The following CCDC66 variants were observed in gnomAD, a reference collection of about 807,000 sequenced individuals.
The protein encoded by CCDC66 is coiled-coil domain containing 66.
A neutral mutation model predicts 128.3 loss-of-function variants in CCDC66; 133 were observed. The observed-to-expected ratio is 1.04, with a 90% CI of 0.90 to 1.20. The LOEUF is 1.20. Ranked by LOEUF, CCDC66 falls within the 50% of genes most tolerant of loss-of-function variation. CCDC66 has a pLI of 0.00. For missense variants in CCDC66, 1,126 were observed against 1,075.5 expected (o/e 1.05, Z -0.66); for synonymous variants, 387 against 357.0 (o/e 1.08, Z -0.95).
intron 2 of CCDC66, 79 bp from the exon 3 acceptor site, chr3:56,559,490 T>A: frequency 1.1e-6 from 1 of 899,110 alleles, no homozygotes; most frequent in Non-Finnish European, 1.7e-6. Context: ...CTTATAACAA[T>A]ATTAATTACA....
intron 1 of CCDC66, among the ~76,000 whole-genome samples, chr3:56,558,158 C>CCT (rs1385437899): frequency 6.6e-6 from 1 of 152,262 alleles, no homozygotes; most frequent in African/African-American, 2.4e-5. Flanking sequence ...CCTTTCCCAG[C>CCT]CTCTCTCTCC....
At chr3:56,616,088 T>TTA (rs777739105) in intron 13 of CCDC66, 35 bp downstream of exon 13, 1 of 1,542,496 alleles carries the variant, frequency 6.5e-7, no homozygotes, top group Admixed American at 2.1e-5. Context: ...GGTTTAAAAT[T>TTA]TACTTAAAGT....
chr3:56,614,008 C>T (rs535921025), intron 11 of CCDC66, among the ~76,000 whole-genome samples: 2 of 152,290 alleles, frequency 1.3e-5, no homozygotes, highest in South Asian at 4.2e-4. Context: ...CCACCTCAGC[C>T]TCCTAAAGTG....
At chr3:56,566,413 C>G (rs1017471996) in intron 4 of CCDC66, among the ~76,000 whole-genome samples, 181 bp from the exon 5 acceptor site, 6 of 152,200 alleles carry the variant, frequency 3.9e-5, no homozygotes, top group African/African-American at 1.2e-4. Flanking sequence ...GTGTGAGCCA[C>G]CACTCCCTGC....
intron 5 of CCDC66, 93 bp from the exon 6 acceptor site, chr3:56,566,857 G>C (rs1322725637): frequency 4.1e-6 from 6 of 1,467,750 alleles, no homozygotes; most frequent in African/African-American, 2.8e-5. Context: ...TGAATACTTA[G>C]AGCTATTTAA....
chr3:56,619,171 G>GCAACAGAGCGAGACTT (rs2075989567), intron 15 of CCDC66, 100 bp from the exon 16 acceptor site: 2 of 1,015,534 alleles, frequency 2.0e-6, no homozygotes. Flanking sequence ...TCCAGCCTGG[G>GCAACAGAGCGAGACTT]CAACAGAGCG....
intron 15 of CCDC66, 79 bp downstream of exon 15, chr3:56,618,291 G>C: frequency 8.3e-7 from 1 of 1,209,506 alleles, no homozygotes; most frequent in Non-Finnish European, 1.2e-6. Context: ...GATCTGGACA[G>C]CATCATATGG....
At chr3:56,563,381 ATTT>A (rs531194214) in intron 3 of CCDC66, 3 of 150,730 alleles carry the variant, frequency 2.0e-5, no homozygotes, top group Non-Finnish European at 3.7e-5. Flanking sequence ...AGTTAAAAAA[ATTT>A]TTTTAATTGA....
At chr3:56,596,412 G>T (rs1315750096) in intron 10 of CCDC66, among the ~76,000 whole-genome samples, 1 of 151,990 alleles carries the variant, frequency 6.6e-6, no homozygotes, top group African/African-American at 2.4e-5. Context: ...GATTTTTGGT[G>T]TGTGTGTGTG....
At chr3:56,568,762 A>G (rs1159712286) in intron 6 of CCDC66, among the ~76,000 whole-genome samples, 1 of 152,242 alleles carries the variant, frequency 6.6e-6, no homozygotes, top group Non-Finnish European at 1.5e-5. Context: ...TATGTATTCT[A>G]GACAGAAATA....
chr3:56,593,654 C>G lies in CCDC66; in HGVS notation c.1232C>G (p.Thr411Arg). 6 of 1,614,188 alleles carry G rather than the reference C, an allele frequency of 3.7e-6. No individual in the cohort carries two copies. Among genetic ancestry groups the G allele is most frequent in the Non-Finnish European group, 5.1e-6 (6 of 1,180,026 alleles). Residue 411 changes from threonine (T) to arginine (R), a missense_variant, in exon 9 of 18, where the codon ACA (threonine) becomes AGA (arginine). Coordinates refer to ENST00000394672, the MANE Select transcript of CCDC66 (RefSeq NM_001141947.3). Reference sequence around the variant, plus strand: ...GATGTCAGCAGTGTTTGTACACCTACAACCGGAAGCCAGGTTGAACCTTCA... The same window carrying G: ...GATGTCAGCAGTGTTTGTACACCTAGAACCGGAAGCCAGGTTGAACCTTCA... The part of the protein sequence containing the change: ...LADVSSVCTP[T>R]TGSQVEPSEE...
chr3:56,618,292 C>CATCATATGGT, intron 15 of CCDC66, 80 bp downstream of exon 15: 3 of 1,207,984 alleles, frequency 2.5e-6, no homozygotes, highest in Non-Finnish European at 3.7e-6. Context: ...ATCTGGACAG[C>CATCATATGGT]ATCATATGGT....
chr3:56,608,281 T>C (rs913515009), intron 10 of CCDC66, among the ~76,000 whole-genome samples: 2 of 152,138 alleles, frequency 1.3e-5, no homozygotes, highest in African/African-American at 4.8e-5. Flanking sequence ...TGTTGGTAAT[T>C]TTTAAATTAC....
At chr3:56,601,612 G>C (rs1412024229) in intron 10 of CCDC66, among the ~76,000 whole-genome samples, 2 of 151,960 alleles carry the variant, frequency 1.3e-5, no homozygotes, top group South Asian at 2.1e-4. Flanking sequence ...TGAGTATGGA[G>C]TGTTTTTCCA....
intron 13 of CCDC66, 129 bp downstream of exon 13, chr3:56,616,182 T>TA: frequency 7.9e-6 from 6 of 758,946 alleles, no homozygotes; most frequent in Non-Finnish European, 1.3e-5. Context: ...AGTTACAAAA[T>TA]AAAGGGATAA....
At position 56,594,295 on chromosome 3, in the gene CCDC66, G is replaced by T. The variant is rs1430481493; in HGVS notation, c.1404+267G>T. Among the ~76,000 whole-genome samples, 5 of 145,182 alleles carry T rather than the reference G, an allele frequency of 3.4e-5. No individual in the cohort carries two copies. In the South Asian group the frequency reaches 8.8e-4, roughly 25 times the overall value. The stretch of plus-strand genomic sequence containing the variant: ...TTTGTGTTGTCTTAGGTTAGTACTG[G>T]TTTTTTTTTTTTTCATCAATTTATT... On this transcript the variant is annotated intron_variant, in intron 10 of 17. Transcript: ENST00000394672.
At chr3:56,612,309 T>A (rs969666830) in intron 10 of CCDC66, among the ~76,000 whole-genome samples, 2 of 152,202 alleles carry the variant, frequency 1.3e-5, no homozygotes, top group Non-Finnish European at 2.9e-5. Context: ...TATCTGTAAT[T>A]TCCTTGGTGG....
chr3:56,579,209 T>C (rs559621620), intron 7 of CCDC66, among the ~76,000 whole-genome samples: 1 of 152,032 alleles, frequency 6.6e-6, no homozygotes, highest in Admixed American at 6.6e-5. Context: ...GTGTTTATAG[T>C]ATTCTCTGAT....
chr3:56,561,875 C>A (rs564456000), intron 3 of CCDC66, among the ~76,000 whole-genome samples: 1 of 152,132 alleles, frequency 6.6e-6, no homozygotes, highest in South Asian at 2.1e-4. Context: ...ACTACAACAC[C>A]TACAGGTCTC....
Sources: allele counts gnomAD v4.1 joint callset (sites outside exome capture counted in the v4.1 genomes callset), GRCh38; gene constraint gnomAD v4.1.1; transcripts MANE v1.5; gene names NCBI Gene and HGNC (gene_info 2026-07-23, HGNC 2026-07-21).